Variants in FER observed in about 807,000 individuals in gnomAD.
FER encodes FER tyrosine kinase.
Under a neutral mutation model 111.0 loss-of-function variants are expected in FER, and 63 were observed. That is an observed-to-expected ratio of 0.57 (90% CI 0.46 to 0.70). FER has a LOEUF of 0.70. Among genes scored for constraint, FER ranks in the 30% least tolerant of loss-of-function variants. FER has a pLI of 0.00. For synonymous variants in FER, 327 were observed against 313.9 expected, an observed-to-expected ratio of 1.04 and a Z score of -0.44; for missense variants, 914 against 954.0, an observed-to-expected ratio of 0.96 and a Z score of 0.55.
intron 13 of FER, among the ~76,000 whole-genome samples, chr5:109,009,035 C>G (rs1456034487): frequency 6.7e-6 from 1 of 149,234 alleles, no homozygotes; most frequent in Admixed American, 6.8e-5. Flanking sequence ...TCTAGTCTTC[C>G]TCTTCAGTCT....
intron 3 of FER, among the ~76,000 whole-genome samples, chr5:108,809,211 T>C (rs904806903): frequency 5.3e-5 from 8 of 152,218 alleles, no homozygotes; most frequent in African/African-American, 1.9e-4. Context: ...TTTTTCTCCT[T>C]CTTTCTCAGG....
chr5:108,841,823 C>CT (rs981230882), intron 5 of FER: 40 of 424,794 alleles, frequency 9.4e-5, no homozygotes, highest in African/African-American at 7.5e-4. Flanking sequence ...TTTCCTATGT[C>CT]TTATCAGTGA....
chr5:108,819,898 A>G (rs545070118), intron 3 of FER: 671 of 985,268 alleles, frequency 6.8e-4, no homozygotes, highest in Non-Finnish European at 7.9e-4. Flanking sequence ...AAGGCAGTAG[A>G]TGAAAAGGTT....
At chr5:108,793,521 G>GGGC (rs1755632921) in intron 2 of FER, among the ~76,000 whole-genome samples, 1 of 135,504 alleles carries the variant, frequency 7.4e-6, no homozygotes, top group African/African-American at 2.9e-5. Flanking sequence ...TGGCGGGGCG[G>GGGC]GGGGGGTGGT....
intron 16 of FER, among the ~76,000 whole-genome samples, chr5:109,080,503 C>T (rs376425062): frequency 6.6e-6 from 1 of 151,984 alleles, no homozygotes; most frequent in African/African-American, 2.4e-5. Flanking sequence ...TTTCAGGTAT[C>T]GGTGAAAGTC....
chr5:109,066,605 A>G (rs1216737359), intron 16 of FER, among the ~76,000 whole-genome samples: 1 of 151,804 alleles, frequency 6.6e-6, no homozygotes, highest in African/African-American at 2.4e-5. Context: ...AGGAGATGCA[A>G]CGATTAATTT....
At chr5:109,147,655 A>G (rs777082811) in intron 17 of FER, among the ~76,000 whole-genome samples, 1 of 151,938 alleles carries the variant, frequency 6.6e-6, no homozygotes, top group Non-Finnish European at 1.5e-5. Context: ...TATTCACACT[A>G]TATTTCTAGC....
intron 16 of FER, among the ~76,000 whole-genome samples, chr5:109,086,144 A>G (rs868184427): frequency 3.3e-5 from 5 of 151,880 alleles, no homozygotes; most frequent in Admixed American, 2.6e-4. Context: ...GAATTTACCA[A>G]TGAAGCCATC....
intron 17 of FER, among the ~76,000 whole-genome samples, chr5:109,144,246 G>A (rs1421360069): frequency 6.6e-6 from 1 of 152,152 alleles, no homozygotes; most frequent in East Asian, 1.9e-4. Flanking sequence ...ACAAGAAATT[G>A]ATTAATTTTA....
chr5:108,897,602 G>A (rs1248199608), intron 9 of FER, 57 bp from the exon 10 acceptor site: 2 of 1,240,724 alleles, frequency 1.6e-6, no homozygotes, highest in Admixed American at 3.1e-5. Flanking sequence ...ACATATATGA[G>A]GTTTCCTTAA....
intron 17 of FER, among the ~76,000 whole-genome samples, chr5:109,162,626 CATTTA>C (rs746196094): frequency 1.1e-4 from 16 of 152,148 alleles, no homozygotes; most frequent in Non-Finnish European, 1.9e-4. Context: ...CATTTTAATA[CATTTA>C]TTTTCTGGAG....
intron 2 of FER, among the ~76,000 whole-genome samples, chr5:108,770,080 C>T (rs1288939468): frequency 6.6e-6 from 1 of 152,152 alleles, no homozygotes; most frequent in African/African-American, 2.4e-5. Context: ...TCCCAAGTAG[C>T]TGGGATTACA....
intron 5 of FER, among the ~76,000 whole-genome samples, chr5:108,843,720 G>T (rs546559543): frequency 1.3e-5 from 2 of 151,692 alleles, no homozygotes; most frequent in East Asian, 3.9e-4. Flanking sequence ...GTAGAGATGG[G>T]GTTTCACCAT....
At chr5:108,994,885 C>T (rs1210523319) in intron 13 of FER, among the ~76,000 whole-genome samples, 2 of 152,132 alleles carry the variant, frequency 1.3e-5, no homozygotes, top group South Asian at 2.1e-4. Flanking sequence ...GTGAATGGGA[C>T]TTCATTCATA....
At chr5:108,861,677 A>G (rs1763535486) in intron 5 of FER, among the ~76,000 whole-genome samples, 1 of 152,204 alleles carries the variant, frequency 6.6e-6, no homozygotes, top group South Asian at 2.1e-4. Context: ...TTAAGAGCAT[A>G]TGCATTTATT....
intron 9 of FER, among the ~76,000 whole-genome samples, chr5:108,889,952 G>A (rs557874201): frequency 6.6e-6 from 1 of 151,960 alleles, no homozygotes; most frequent in Non-Finnish European, 1.5e-5. Context: ...GAGATCCCGT[G>A]TACCCTATAC....
chr5:108,987,772 G>T (rs984734558), intron 13 of FER, among the ~76,000 whole-genome samples: 1 of 152,014 alleles, frequency 6.6e-6, no homozygotes, highest in Admixed American at 6.6e-5. Context: ...TACCAATTTG[G>T]ATGCCCTTTA....
chr5:109,183,624 C>G (rs1758536969), intron 18 of FER, among the ~76,000 whole-genome samples: 1 of 152,102 alleles, frequency 6.6e-6, no homozygotes, highest in Admixed American at 6.6e-5. Context: ...GTGAAACACT[C>G]AAATCTCCCA....
At chr5:108,955,971 T>C (rs116446460) in intron 12 of FER, among the ~76,000 whole-genome samples, 2,256 of 151,876 alleles carry the variant, frequency 0.015, 40 homozygotes, top group South Asian at 0.024. Flanking sequence ...ATCTCGTAGT[T>C]ATAGCTAAAT....
Sources: gnomAD v4.1 joint callset for allele counts (sites outside exome capture counted in the v4.1 genomes callset) on GRCh38, gnomAD v4.1.1 for gene constraint, MANE v1.5 for transcripts, NCBI Gene and HGNC (gene_info 2026-07-23, HGNC 2026-07-21) for gene names.